YEATS4: variants seen among roughly 807,000 people sequenced by gnomAD.
YEATS4 encodes the protein YEATS domain-containing protein 4.
A neutral mutation model predicts 30.1 loss-of-function variants in YEATS4; 17 were observed. That is an observed-to-expected ratio of 0.56 (90% CI 0.39 to 0.85). The LOEUF (loss-of-function observed/expected upper bound fraction) is 0.85, where lower values mean the gene tolerates loss of function less well. YEATS4 is among the 40% of genes least tolerant of loss of function. The probability of loss-of-function intolerance (pLI) is 0.00; values close to 1 mark genes in which losing one functional copy is unlikely to be tolerated. For synonymous variants in YEATS4, 85 were observed against 87.5 expected (o/e 0.97, Z 0.16); for missense variants, 142 against 268.3 (o/e 0.53, Z 3.29).
At chr12:69,403,585 A>G in the YEATS4 span, among the ~76,000 whole-genome samples, 1 of 151,992 alleles carries the variant, frequency 6.6e-6, no homozygotes, top group Non-Finnish European at 1.5e-5. Context: ...TCAAAAAAAA[A>G]AAAAAAGAAA....
At chr12:69,399,974 G>A in the YEATS4 span, among the ~76,000 whole-genome samples, 2 of 152,162 alleles carry the variant, frequency 1.3e-5, no homozygotes, top group African/African-American at 4.8e-5. Flanking sequence ...AGATGGGTGG[G>A]GAAGGGAGGA....
At chr12:69,411,759 T>C in the YEATS4 span, among the ~76,000 whole-genome samples, 8 of 152,134 alleles carry the variant, frequency 5.3e-5, no homozygotes, top group Admixed American at 5.2e-4. Flanking sequence ...TTGGGAATAA[T>C]GGTCCAGGCA....
At chr12:69,365,547 A>T in intron 2 of YEATS4, 86 bp from the exon 3 acceptor site, 1 of 889,346 alleles carries the variant, frequency 1.1e-6, no homozygotes. Flanking sequence ...TATGTTTTTT[A>T]TAAAACTAAG....
intron 6 of YEATS4, among the ~76,000 whole-genome samples, chr12:69,376,272 A>G (rs930863482): frequency 6.6e-6 from 1 of 152,336 alleles, no homozygotes; most frequent in Middle Eastern, 3.4e-3. Flanking sequence ...TGGCAGAGGC[A>G]GGAGAATTGC....
intron 4 of YEATS4, among the ~76,000 whole-genome samples, chr12:69,367,553 A>T (rs1875483217): frequency 6.6e-6 from 1 of 152,120 alleles, no homozygotes; most frequent in Non-Finnish European, 1.5e-5. Context: ...TTCTGTAGAG[A>T]TAGGGGCTCG....
the YEATS4 span, among the ~76,000 whole-genome samples, chr12:69,420,812 C>T: frequency 0.15 from 22,403 of 152,150 alleles, 1,940 homozygotes; most frequent in East Asian, 0.38. Context: ...CTTCCATCCC[C>T]GGCCTCCCAG....
At chr12:69,381,600 T>A (rs1876082274) in intron 6 of YEATS4, among the ~76,000 whole-genome samples, 1 of 152,218 alleles carries the variant, frequency 6.6e-6, no homozygotes, top group South Asian at 2.1e-4. Context: ...AAGTGATAAG[T>A]GTCCATGAAA....
At chr12:69,394,061 T>A (rs971081915), downstream of YEATS4, among the ~76,000 whole-genome samples, 4 of 152,044 alleles carry the variant, frequency 2.6e-5, no homozygotes, top group South Asian at 8.3e-4. Context: ...GAAGAATGGA[T>A]GGGAGGGAGG....
At chr12:69,385,180 A>ATT (rs35689180) in intron 6 of YEATS4, among the ~76,000 whole-genome samples, 2 of 146,274 alleles carry the variant, frequency 1.4e-5, no homozygotes, top group African/African-American at 2.5e-5. Flanking sequence ...TGTCTGGCTA[A>ATT]TTTTTTTTTT....
At chr12:69,417,122 C>A in the YEATS4 span, among the ~76,000 whole-genome samples, 3 of 149,094 alleles carry the variant, frequency 2.0e-5, no homozygotes, top group Non-Finnish European at 3.0e-5. Flanking sequence ...ATAAAATACT[C>A]AAGTTGGTCA....
chr12:69,386,155 T>G (rs1868249782), intron 6 of YEATS4, among the ~76,000 whole-genome samples: 1 of 152,212 alleles, frequency 6.6e-6, no homozygotes, highest in Admixed American at 6.5e-5. Context: ...AAAAGAAGTT[T>G]TAAAATGTTT....
At chr12:69,400,270 T>G in the YEATS4 span, among the ~76,000 whole-genome samples, 1 of 152,132 alleles carries the variant, frequency 6.6e-6, no homozygotes, top group Non-Finnish European at 1.5e-5. Flanking sequence ...GGTCACATAC[T>G]AGGAAGTCAT....
intron 4 of YEATS4, among the ~76,000 whole-genome samples, 191 bp from the exon 5 acceptor site, chr12:69,370,515 T>C (rs1875596726): frequency 1.3e-5 from 2 of 152,238 alleles, no homozygotes; most frequent in South Asian, 4.1e-4. Flanking sequence ...TAGGTAGATA[T>C]GAATGGATCT....
intron 4 of YEATS4, among the ~76,000 whole-genome samples, 182 bp downstream of exon 4, chr12:69,366,066 T>C (rs1875416914): frequency 6.6e-6 from 1 of 152,060 alleles, no homozygotes; most frequent in South Asian, 2.1e-4. Flanking sequence ...CTTTTTTTTT[T>C]CAAGTATGGA....
intron 4 of YEATS4, among the ~76,000 whole-genome samples, chr12:69,368,263 A>T (rs1270255817): frequency 6.6e-6 from 1 of 152,200 alleles, no homozygotes; most frequent in Non-Finnish European, 1.5e-5. Flanking sequence ...CCAGTAACCT[A>T]TTATACAGAT....
the YEATS4 span, among the ~76,000 whole-genome samples, chr12:69,417,467 T>G: frequency 0.67 from 102,008 of 151,800 alleles, 34,377 homozygotes; most frequent in East Asian, 0.81. Context: ...GCTAGTCAGG[T>G]CTTAAATTAT....
At chr12:69,385,644 G>T (rs1180183698) in intron 6 of YEATS4, among the ~76,000 whole-genome samples, 1 of 152,068 alleles carries the variant, frequency 6.6e-6, no homozygotes, top group Non-Finnish European at 1.5e-5. Flanking sequence ...CAGAACTTAG[G>T]CTCCAAAAAT....
At chr12:69,368,415 T>A (rs1875520954) in intron 4 of YEATS4, among the ~76,000 whole-genome samples, 1 of 152,200 alleles carries the variant, frequency 6.6e-6, no homozygotes, top group Non-Finnish European at 1.5e-5. Flanking sequence ...ATTACAGACA[T>A]CTGTCTTGAA....
At position 69,359,861 on chromosome 12, in the gene YEATS4, A is replaced by G. The variant is rs892180277; in HGVS notation, c.-112A>G. 1.5e-6 allele frequency: 2 copies of G among 1,365,608 alleles called. No individual in the cohort carries two copies. Among genetic ancestry groups the G allele is most frequent in the African/African-American group, 3.0e-5 (2 of 67,774 alleles). The allele number at this position is 1,365,608 out of a possible 1,614,324, so 84.6% of individuals were successfully genotyped here. A position where few individuals can be genotyped will look rare whatever the true frequency, so the allele number is the denominator to read the frequency against. ...CCAAGTAACTCGCCCTCCTTCGGCT[A>G]GAAACCCTCCGCCTGGGCCCGCGCG... On this transcript the variant is annotated 5_prime_UTR_variant, in exon 1 of 7. Transcript: ENST00000247843.
Sources: allele counts gnomAD v4.1 joint callset (sites outside exome capture counted in the v4.1 genomes callset), GRCh38; gene constraint gnomAD v4.1.1; transcripts MANE v1.5; gene names NCBI Gene and HGNC (gene_info 2026-07-23, HGNC 2026-07-21).